EXOC4: variants seen among roughly 807,000 people sequenced by gnomAD.
The protein encoded by EXOC4 is exocyst complex component 4.
Under a neutral mutation model 107.2 loss-of-function variants are expected in EXOC4, and 71 were observed. The observed-to-expected ratio is 0.66, with a 90% CI of 0.55 to 0.81. EXOC4 has a LOEUF of 0.81. EXOC4 is among the 30% of genes least tolerant of loss of function. The pLI is 0.00. For missense variants in EXOC4, 1,108 were observed against 1,189.6 expected (o/e 0.93, Z 1.01); for synonymous variants, 456 against 441.2 (o/e 1.03, Z -0.42).
intron 6 of EXOC4, among the ~76,000 whole-genome samples, chr7:133,370,124 C>G (rs1012538660): frequency 2.0e-4 from 30 of 146,366 alleles, no homozygotes; most frequent in Admixed American, 5.5e-4. Context: ...CTTTAATTCT[C>G]TCTCCCCCCC....
At chr7:133,655,713 C>A (rs1803275454) in intron 10 of EXOC4, among the ~76,000 whole-genome samples, 1 of 152,198 alleles carries the variant, frequency 6.6e-6, no homozygotes, top group Non-Finnish European at 1.5e-5. Flanking sequence ...ACACATGGAG[C>A]TGCCATCTCC....
rs1798996882 is a variant in EXOC4, at chr7:133,475,800, C to T, written c.1328+327C>T. Among the ~76,000 whole-genome samples the T allele has an allele frequency of 2.0e-5, 3 of 152,152 alleles. No individual in the cohort carries two copies. In the South Asian group the frequency reaches 6.2e-4, roughly 32 times the overall value. On this transcript the variant is annotated intron_variant, in intron 8 of 17. Transcript: ENST00000253861. ...AATGAAAGGAAATGAAATATATTAG[C>T]CTTGAAAAGGCCCCAAGAGCCAAGA... is the stretch of plus-strand genomic sequence containing the variant.
chr7:133,681,275 G>A (rs187539647), intron 10 of EXOC4, among the ~76,000 whole-genome samples: 22 of 152,178 alleles, frequency 1.4e-4, no homozygotes, highest in African/African-American at 5.3e-4. Flanking sequence ...AAATTAGGTA[G>A]TAGAGAGCAT....
chr7:133,720,053 G>A (rs1306634369), intron 10 of EXOC4, among the ~76,000 whole-genome samples: 2 of 152,098 alleles, frequency 1.3e-5, no homozygotes, highest in Admixed American at 6.6e-5. Flanking sequence ...GACCTCTTGG[G>A]GCAAGGTCTG....
chr7:133,519,687 T>C (rs2150908762), intron 9 of EXOC4, among the ~76,000 whole-genome samples: 1 of 152,286 alleles, frequency 6.6e-6, no homozygotes, highest in South Asian at 2.1e-4. Context: ...TACAACCTAA[T>C]TAGCCTCCAA....
intron 10 of EXOC4, among the ~76,000 whole-genome samples, chr7:133,683,518 T>A (rs1415042925): frequency 1.3e-5 from 2 of 152,204 alleles, no homozygotes; most frequent in Non-Finnish European, 2.9e-5. Context: ...TCTGTATCTT[T>A]TGAATCAAAT....
At chr7:133,910,487 C>T (rs1799668970) in intron 12 of EXOC4, among the ~76,000 whole-genome samples, 1 of 152,206 alleles carries the variant, frequency 6.6e-6, no homozygotes, top group African/African-American at 2.4e-5. Flanking sequence ...GACATATACA[C>T]TATCATAAAG....
chr7:133,933,549 A>G (rs547992520), intron 13 of EXOC4, among the ~76,000 whole-genome samples: 125 of 152,314 alleles, frequency 8.2e-4, no homozygotes, highest in African/African-American at 2.9e-3. Context: ...TCAAAAATAC[A>G]TAGTGTCTTC....
chr7:133,613,826 G>C (rs1370051860), intron 9 of EXOC4, among the ~76,000 whole-genome samples: 1 of 152,020 alleles, frequency 6.6e-6, no homozygotes, highest in Non-Finnish European at 1.5e-5. Context: ...CTTTTATGTG[G>C]GTGTAGGACT....
intron 10 of EXOC4, among the ~76,000 whole-genome samples, chr7:133,650,858 T>A (rs571715746): frequency 8.6e-5 from 13 of 151,370 alleles, no homozygotes; most frequent in African/African-American, 2.7e-4. Flanking sequence ...ATTTTCTAGG[T>A]TATTTATCCC....
intron 10 of EXOC4, among the ~76,000 whole-genome samples, chr7:133,706,219 C>T (rs958031815): frequency 2.0e-5 from 3 of 152,058 alleles, no homozygotes; most frequent in African/African-American, 7.2e-5. Flanking sequence ...TGTATGAATC[C>T]TTTTATTAGT....
At chr7:133,421,579 G>C (rs1235486218) in intron 7 of EXOC4, among the ~76,000 whole-genome samples, 2 of 152,162 alleles carry the variant, frequency 1.3e-5, no homozygotes, top group Non-Finnish European at 2.9e-5. Flanking sequence ...GGGCCTGTCT[G>C]CTTTTGATTT....
intron 10 of EXOC4, among the ~76,000 whole-genome samples, chr7:133,776,555 G>A (rs574029662): frequency 7.2e-5 from 11 of 152,292 alleles, no homozygotes; most frequent in Admixed American, 2.0e-4. Context: ...GGGATCCATT[G>A]TCAGTGTGGA....
At chr7:134,096,095 C>T in the EXOC4 span, among the ~76,000 whole-genome samples, 1 of 152,122 alleles carries the variant, frequency 6.6e-6, no homozygotes, top group Non-Finnish European at 1.5e-5. Flanking sequence ...CTATAAGGAA[C>T]TTAATTGAAC....
intron 17 of EXOC4, among the ~76,000 whole-genome samples, chr7:134,038,820 C>T (rs1795451244): frequency 6.6e-6 from 1 of 152,126 alleles, no homozygotes; most frequent in Non-Finnish European, 1.5e-5. Flanking sequence ...CCTGAGCTAT[C>T]AGTTGGAAAC....
chr7:133,383,606 C>T (rs925553896), intron 7 of EXOC4, among the ~76,000 whole-genome samples: 3 of 152,118 alleles, frequency 2.0e-5, no homozygotes, highest in African/African-American at 7.2e-5. Context: ...AGTACTGATC[C>T]TTGACCTGGA....
At chr7:133,725,932 C>G (rs1795205788) in intron 10 of EXOC4, among the ~76,000 whole-genome samples, 2 of 152,126 alleles carry the variant, frequency 1.3e-5, no homozygotes, top group Non-Finnish European at 2.9e-5. Context: ...AAACAAATAA[C>G]TTAAAGGTGT....
At chr7:134,011,754 A>G (rs968037644) in intron 17 of EXOC4, among the ~76,000 whole-genome samples, 1 of 151,848 alleles carries the variant, frequency 6.6e-6, no homozygotes, top group Admixed American at 6.6e-5. Context: ...AATATATATA[A>G]AGTATTTCAG....
At chr7:133,743,937 G>A (rs1215392709) in intron 10 of EXOC4, among the ~76,000 whole-genome samples, 1 of 152,146 alleles carries the variant, frequency 6.6e-6, no homozygotes, top group African/African-American at 2.4e-5. Flanking sequence ...TAGTTTTGGA[G>A]AGAGAACTCT....
Sources: allele counts gnomAD v4.1 joint callset (sites outside exome capture counted in the v4.1 genomes callset), GRCh38; gene constraint gnomAD v4.1.1; transcripts MANE v1.5; gene names NCBI Gene and HGNC (gene_info 2026-07-23, HGNC 2026-07-21).